KBTBD2: variants seen among roughly 807,000 people sequenced by gnomAD.
KBTBD2 encodes kelch repeat and BTB domain containing 2, also known as kelch repeat and BTB domain-containing protein 2.
In KBTBD2, 17 loss-of-function variants were observed where a neutral mutation model predicts 57.1. That is an observed-to-expected ratio of 0.30 (90% CI 0.20 to 0.45). The LOEUF (loss-of-function observed/expected upper bound fraction) is 0.45. Among genes scored for constraint, KBTBD2 ranks in the 20% least tolerant of loss-of-function variants. The pLI is 1.00. For missense variants in KBTBD2, 515 were observed against 750.6 expected (o/e 0.69, Z 3.67); for synonymous variants, 267 against 262.7 (o/e 1.02, Z -0.16).
rs1364415927 is a variant in KBTBD2 at position 32,868,247 on chromosome 7, C to G, written c.*1098G>C. The G allele has an allele frequency of 6.6e-6, 1 of 152,520 alleles. No individual in the cohort carries two copies. Among genetic ancestry groups the G allele is most frequent in the Non-Finnish European group, 1.5e-5 (1 of 68,018 alleles). The allele number at this position is 152,520 out of a possible 1,614,324, so 9.4% of individuals were successfully genotyped here. ...CCAGAACATGGTGCAGTTGAACATGCTAGTAATGTTTGTCATGAAGCACCT... is the reference window on the plus strand; with the variant it reads ...CCAGAACATGGTGCAGTTGAACATGGTAGTAATGTTTGTCATGAAGCACCT... On this transcript the variant is annotated 3_prime_UTR_variant, in exon 4 of 4. Transcript: ENST00000304056.
intron 2 of KBTBD2, among the ~76,000 whole-genome samples, chr7:32,876,598 A>G (rs1784317780): frequency 6.6e-6 from 1 of 152,222 alleles, no homozygotes; most frequent in Non-Finnish European, 1.5e-5. Flanking sequence ...ACTGGCTATC[A>G]GGCTATGACA....
At chr7:32,875,183 G>C (rs1227358670) in intron 2 of KBTBD2, 26 bp from the exon 3 acceptor site, 5 of 1,603,594 alleles carry the variant, frequency 3.1e-6, no homozygotes, top group East Asian at 2.2e-5. Flanking sequence ...AGAAAACAAA[G>C]TTGTAAGGGT....
In KBTBD2 at chr7:32,879,671, T is replaced by C; in HGVS notation, c.-67A>G. 1 of 1,315,534 alleles carries C rather than the reference T, an allele frequency of 7.6e-7. No homozygotes were observed. The highest frequency in any genetic ancestry group is 2.3e-5 in the East Asian group (1 of 42,616). The allele number at this position is 1,315,534 out of a possible 1,614,324, so 81.5% of individuals were successfully genotyped here. A position where few individuals can be genotyped will look rare whatever the true frequency, so the allele number is the denominator to read the frequency against. ...TCCGTCTTACTGATGGAAGGTCAAG[T>C]GAATACTTCAGAAATAAAGGAGAAC... On this transcript the variant is annotated 5_prime_UTR_variant, in exon 2 of 4. Coordinates refer to ENST00000304056, the MANE Select transcript of KBTBD2 (RefSeq NM_015483.3).
In KBTBD2 at chr7:32,869,208, T is replaced by C; in HGVS notation, c.*137A>G. The C allele has an allele frequency of 1.6e-6, 1 of 611,658 alleles. No individual in the cohort carries two copies. Among genetic ancestry groups the C allele is most frequent in the South Asian group, 2.1e-5 (1 of 46,918 alleles). The allele number at this position is 611,658 out of a possible 1,614,324, so 37.9% of individuals were successfully genotyped here. ...GATATATATTATACTGATGCAAATA[T>C]TAAGTAGGGCATAAAAATAAAATTT... On this transcript the variant is annotated 3_prime_UTR_variant, in exon 4 of 4. Coordinates refer to ENST00000304056, the MANE Select transcript of KBTBD2 (RefSeq NM_015483.3).
intron 2 of KBTBD2, among the ~76,000 whole-genome samples, chr7:32,878,907 C>T (rs1784381833): frequency 6.6e-6 from 1 of 152,144 alleles, no homozygotes; most frequent in African/African-American, 2.4e-5. Context: ...ATAGAGAACA[C>T]CAACGTTACT....
At position 32,870,044 on chromosome 7, in the gene KBTBD2, A is replaced by G; in HGVS notation, c.1173T>C (p.Gly391=). ...CTACGGTCCTCCGATTAAGTTCTCC[A>G]CCTACGCTATCTCCTCCAATTGCAT... is the stretch of plus-strand genomic sequence containing the variant. ...YIYAIGGDSV[G]GELNRRTVER... Residue 391 remains glycine (G), a synonymous_variant, in exon 4 of 4, where the codon GGT becomes GGC. Transcript: ENST00000304056. The G allele has an allele frequency of 6.2e-7, 1 of 1,614,084 alleles. No individual in the cohort carries two copies. Among genetic ancestry groups the G allele is most frequent in the Non-Finnish European group, 8.5e-7 (1 of 1,180,004 alleles).
intron 1 of KBTBD2, among the ~76,000 whole-genome samples, chr7:32,887,788 T>C (rs958893608): frequency 6.6e-6 from 1 of 152,254 alleles, no homozygotes; most frequent in Non-Finnish European, 1.5e-5. Context: ...GCCCCAGTTC[T>C]GCAACTTAAT....
chr7:32,876,113 T>C (rs755300646), intron 2 of KBTBD2, among the ~76,000 whole-genome samples: 1 of 152,208 alleles, frequency 6.6e-6, no homozygotes, highest in Non-Finnish European at 1.5e-5. Context: ...AAATCTATTA[T>C]ATACAGGAAA....
chr7:32,890,073 A>G (rs1009091317), intron 1 of KBTBD2, among the ~76,000 whole-genome samples: 6 of 131,734 alleles, frequency 4.6e-5, no homozygotes, highest in African/African-American at 1.0e-4. Flanking sequence ...CAAAAAGGGG[A>G]GTAGAGTTAC....
upstream of KBTBD2, chr7:32,891,874 G>GCCTGCCGCC (rs1554279059): frequency 2.1e-5 from 2 of 94,232 alleles, no homozygotes; most frequent in African/African-American, 5.0e-5. Context: ...GAGACGCCGG[G>GCCTGCCGCC]CCCGCCGCCC....
At chr7:32,886,816 A>C (rs1784592062) in intron 1 of KBTBD2, among the ~76,000 whole-genome samples, 1 of 152,242 alleles carries the variant, frequency 6.6e-6, no homozygotes, top group Non-Finnish European at 1.5e-5. Flanking sequence ...TAAAGAGATA[A>C]GTGACCATGA....
chr7:32,871,894 A>G (rs1784188543), intron 3 of KBTBD2, among the ~76,000 whole-genome samples: 1 of 152,148 alleles, frequency 6.6e-6, no homozygotes, highest in South Asian at 2.1e-4. Flanking sequence ...AAGCAGAAGT[A>G]GTATACGGTT....
chr7:32,891,930 C>T (rs1313492381), upstream of KBTBD2: 2 of 142,810 alleles, frequency 1.4e-5, no homozygotes, highest in African/African-American at 5.0e-5. Context: ...CGCCCCCGCC[C>T]GCGGCCCGGG....
intron 1 of KBTBD2, among the ~76,000 whole-genome samples, chr7:32,887,871 T>C (rs576664262): frequency 6.6e-6 from 1 of 152,358 alleles, no homozygotes; most frequent in East Asian, 1.9e-4. Context: ...TAGTTAAAAG[T>C]ACAACTCTCT....
At chr7:32,890,376 T>C (rs925766095) in intron 1 of KBTBD2, among the ~76,000 whole-genome samples, 1 of 152,150 alleles carries the variant, frequency 6.6e-6, no homozygotes, top group African/African-American at 2.4e-5. Flanking sequence ...CAATTTACTT[T>C]AGATCAGAAA....
rs958107219 is a variant in KBTBD2, at chr7:32,874,922, G to A, written c.336+70C>T. On this transcript the variant is annotated intron_variant, in intron 3 of 3. Transcript: ENST00000304056. ...GGAGGCGGAGGTTGCAGTGAGCGGA[G>A]ATCGTGCCACTGCACTCCAGCCTGG... is the stretch of plus-strand genomic sequence containing the variant. 8 of 1,346,346 alleles carry A rather than the reference G, an allele frequency of 5.9e-6. No homozygotes were observed. The South Asian group carries it at 7.7e-5, about 13-fold the overall frequency. The allele number at this position is 1,346,346 out of a possible 1,614,324, so 83.4% of individuals were successfully genotyped here. A position where few individuals can be genotyped will look rare whatever the true frequency, so the allele number is the denominator to read the frequency against.
chr7:32,877,018 C>T (rs1278165582), intron 2 of KBTBD2, among the ~76,000 whole-genome samples: 5 of 134,110 alleles, frequency 3.7e-5, no homozygotes, highest in Non-Finnish European at 7.8e-5. Flanking sequence ...GGATCTGGTG[C>T]TTTTCTTTTT....
intron 1 of KBTBD2, among the ~76,000 whole-genome samples, chr7:32,889,454 A>G (rs1487673206): frequency 1.3e-5 from 2 of 152,016 alleles, no homozygotes; most frequent in African/African-American, 2.4e-5. Flanking sequence ...TACAAAAATT[A>G]GCCAGGCCTG....
At chr7:32,882,499 T>G (rs1285397230) in intron 1 of KBTBD2, among the ~76,000 whole-genome samples, 2 of 152,362 alleles carry the variant, frequency 1.3e-5, no homozygotes, top group East Asian at 3.9e-4. Context: ...AATTGAAGTC[T>G]GCTTCTAAAA....
Sources: allele counts gnomAD v4.1 joint callset (sites outside exome capture counted in the v4.1 genomes callset), GRCh38; gene constraint gnomAD v4.1.1; transcripts MANE v1.5; gene names NCBI Gene and HGNC (gene_info 2026-07-23, HGNC 2026-07-21).